Variants in NFAT5 observed in about 807,000 individuals in gnomAD.
NFAT5 encodes the protein nuclear factor of activated T cells 5, also known as nuclear factor of activated T-cells 5.
In NFAT5, 31 loss-of-function variants were observed where a neutral mutation model predicts 166.5. The observed-to-expected ratio is 0.19, with a 90% CI of 0.14 to 0.25. The LOEUF (loss-of-function observed/expected upper bound fraction) is 0.25. NFAT5 is among the 10% of genes least tolerant of loss of function. The pLI is 1.00. For missense variants in NFAT5, 1,449 were observed against 1,821.8 expected (o/e 0.80, Z 3.72); for synonymous variants, 612 against 639.7 (o/e 0.96, Z 0.65).
intron 2 of NFAT5, among the ~76,000 whole-genome samples, chr16:69,574,624 T>C (rs1369617579): frequency 6.6e-6 from 1 of 152,192 alleles, no homozygotes; most frequent in African/African-American, 2.4e-5. Flanking sequence ...GTTCAGTTAC[T>C]TTTATTTGTT....
rs1200530310 is a variant in NFAT5, at chr16:69,684,927, A to G, written c.1731A>G (p.Ile577Met). 1.2e-6 allele frequency: 2 copies of G among 1,610,700 alleles called. No individual in the cohort carries two copies. Among genetic ancestry groups the G allele is most frequent in the Non-Finnish European group, 1.7e-6 (2 of 1,178,864 alleles). The change falls in exon 11 of 15, where the codon ATA becomes ATG. Residue 577 changes from isoleucine (I) to methionine (M), a missense_variant. By Grantham distance (10) the Ile-to-Met change is conservative. This residue lies in a region of NFAT5 where 245 missense variants were observed against 366.6 expected (regional missense o/e 0.67). Coordinates refer to ENST00000349945, the MANE Select transcript of NFAT5 (RefSeq NM_138713.4). Reference protein sequence around the residue: ...GALNVNVKKEISSPARPCSFE... With the variant: ...GALNVNVKKEMSSPARPCSFE... Reference sequence around the variant, plus strand: ...TGAATGTAAATGTGAAGAAGGAAATATCTAGTCCAGCAAGACCTTGCTCTT... The same window carrying G: ...TGAATGTAAATGTGAAGAAGGAAATGTCTAGTCCAGCAAGACCTTGCTCTT...
chr16:69,585,311 A>AT lies in NFAT5; in HGVS notation c.127+16776dup, dbSNP rs149915039. On this transcript the variant is annotated intron_variant, in intron 2 of 14. Transcript: ENST00000349945. The stretch of plus-strand genomic sequence containing the variant: ...GGTGTGAGCCACGGCGCCCAGCCCA[A>AT]TTTTTTTTTTTTTAATTGTGTGGGG... Among the ~76,000 whole-genome samples the AT allele has an allele frequency of 2.2e-3, 314 of 145,736 alleles. 1 individual carries two copies. Among genetic ancestry groups the AT allele is most frequent in the Non-Finnish European group, 2.2e-3 (148 of 65,828 alleles).
chr16:69,643,167 G>A (rs1023154522), intron 3 of NFAT5, among the ~76,000 whole-genome samples: 1 of 147,816 alleles, frequency 6.8e-6, no homozygotes, highest in Non-Finnish European at 1.5e-5. Context: ...CCAGTGAGCC[G>A]AGATCGCGCC....
intron 4 of NFAT5, chr16:69,648,425 A>G: frequency 1.0e-6 from 1 of 982,474 alleles, no homozygotes; most frequent in Non-Finnish European, 1.2e-6. Flanking sequence ...CTTTGATACT[A>G]ATACATTGAT....
At position 69,566,545 on chromosome 16, in the gene NFAT5, G is replaced by A. The variant is rs971567466; in HGVS notation, c.73+171G>A. On this transcript the variant is annotated intron_variant, in intron 1 of 14. Transcript: ENST00000349945. The surrounding 1 kb of genome is among the most constrained non-coding windows in gnomAD (Gnocchi z 5.7). The stretch of plus-strand genomic sequence containing the variant: ...CCGAAGGGATCGGGGTGACGGTGGA[G>A]GGGGCGGGCGGAGCAGTGGCGGCCC... Among the ~76,000 whole-genome samples the A allele has an allele frequency of 5.9e-5, 9 of 152,138 alleles. No individual in the cohort carries two copies. The highest frequency in any genetic ancestry group is 1.0e-4 in the Non-Finnish European group (7 of 68,000).
chr16:69,647,196 A>G lies in NFAT5; in HGVS notation c.422A>G (p.Gln141Arg). 1 of 1,614,120 alleles carries G rather than the reference A, an allele frequency of 6.2e-7. No homozygotes were observed. Among genetic ancestry groups the G allele is most frequent in the South Asian group, 1.1e-5 (1 of 91,074 alleles). Reference protein sequence around the residue: ...GVSNRGVSEKQLTSNTVQQHP... With the variant: ...GVSNRGVSEKRLTSNTVQQHP... The stretch of plus-strand genomic sequence containing the variant: ...AGTAACAGAGGGGTAAGTGAAAAGC[A>G]GTTAACCAGTAACACAGTTCAGCAG... Residue 141 changes from glutamine to arginine, a missense_variant, in exon 4 of 15, where the codon CAG becomes CGG. Physicochemically the swap from Gln to Arg is conservative, Grantham distance 43. Around this residue, in one of 7 missense-constraint regions of NFAT5, gnomAD observed 172 missense variants for 194.5 expected, o/e 0.88. Transcript: ENST00000349945. This position sits in a 1 kb window ranked among gnomAD's most constrained non-coding sequence, Gnocchi z 4.8.
rs139564843 is a variant in NFAT5, at chr16:69,660,385, G to A, written c.1369+486G>A. 2.0e-4 allele frequency among the ~76,000 whole-genome samples: 30 copies of A among 152,208 alleles called. No individual in the cohort carries two copies. In the East Asian group the frequency reaches 5.6e-3, roughly 29 times the overall value. On this transcript the variant is annotated intron_variant, in intron 7 of 14. Transcript: ENST00000349945. The stretch of plus-strand genomic sequence containing the variant: ...GTCAAGGCTGCAGTGAGCCTTGAGC[G>A]TGCCACTGCACGCCAGCCTGGGCAG...
intron 4 of NFAT5, among the ~76,000 whole-genome samples, chr16:69,652,668 T>C (rs2035721601): frequency 6.6e-6 from 1 of 152,182 alleles, no homozygotes; most frequent in East Asian, 1.9e-4. Context: ...CTGAGAAGGA[T>C]ACTCAAAAGA....
intron 3 of NFAT5, among the ~76,000 whole-genome samples, chr16:69,626,777 T>C (rs1006506590): frequency 6.6e-6 from 1 of 152,200 alleles, no homozygotes; most frequent in Non-Finnish European, 1.5e-5. Context: ...TCTTCAAATA[T>C]GGGAACCAGC....
chr16:69,616,826 C>T (rs942173060), intron 2 of NFAT5, among the ~76,000 whole-genome samples: 1 of 152,024 alleles, frequency 6.6e-6, no homozygotes, highest in Non-Finnish European at 1.5e-5. Flanking sequence ...CTCTGAAATC[C>T]CTTCCCAGGC....
rs180921327 is a variant in NFAT5 at position 69,696,756 on chromosome 16, G to A, written c.*405G>A. 1.5e-3 allele frequency: 222 copies of A among 152,564 alleles called. 2 individuals carry two copies. Among genetic ancestry groups the A allele is most frequent in the Non-Finnish European group, 5.3e-4 (36 of 68,004 alleles). 9.5% of individuals were successfully genotyped at this position (152,564 alleles called of 1,614,324 possible). ...TTATTTTCTTTCCTGCATTGTTTTAGTCAAGTAATGGCTTTTGAAAAAGTA... is the reference window on the plus strand; with the variant it reads ...TTATTTTCTTTCCTGCATTGTTTTAATCAAGTAATGGCTTTTGAAAAAGTA... On this transcript the variant is annotated 3_prime_UTR_variant, in exon 15 of 15. Transcript: ENST00000349945.
rs1282991378 is a variant in NFAT5, at chr16:69,685,188, ATATTTT to A, written c.1774+220_1774+225del. ...TATGTTTTTATATATATATATATAT[ATATTTT>A]TTTTTTTAAGTATATTGGAGTGGAG... On this transcript the variant is annotated intron_variant, in intron 11 of 14. Transcript: ENST00000349945. 3.8e-4 allele frequency: 36 copies of A among 93,524 alleles called. 1 individual carries two copies. Among genetic ancestry groups the A allele is most frequent in the Admixed American group, 1.6e-3 (14 of 8,612 alleles). 5.8% of individuals were successfully genotyped at this position (93,524 alleles called of 1,614,324 possible). A position where few individuals can be genotyped will look rare whatever the true frequency, so the allele number is the denominator to read the frequency against.
chr16:69,688,747 T>G (rs2037430378), intron 11 of NFAT5, among the ~76,000 whole-genome samples: 1 of 152,182 alleles, frequency 6.6e-6, no homozygotes, highest in Admixed American at 6.5e-5. Flanking sequence ...TAAGATTATT[T>G]TCTTCATTCA....
In NFAT5 at chr16:69,576,256, C is replaced by T. The variant is rs1349364634; in HGVS notation, c.127+7708C>T. On this transcript the variant is annotated intron_variant, in intron 2 of 14. Coordinates refer to ENST00000349945, the MANE Select transcript of NFAT5 (RefSeq NM_138713.4). The stretch of plus-strand genomic sequence containing the variant: ...TCAGGGAGCGGAGATGGCGCCTCTG[C>T]ACTCCAGCCTGGGCGACAGAGTGAG... Among the ~76,000 whole-genome samples, 4 of 145,990 alleles carry T rather than the reference C, an allele frequency of 2.7e-5. No homozygotes were observed. The Admixed American group carries it at 2.8e-4, about 10-fold the overall frequency.
At chr16:69,674,920 C>T (rs1172539753) in intron 9 of NFAT5, among the ~76,000 whole-genome samples, 1 of 152,100 alleles carries the variant, frequency 6.6e-6, no homozygotes, top group Non-Finnish European at 1.5e-5. Flanking sequence ...AGCATTATAC[C>T]TGCTCCCAAA....
At chr16:69,626,572 A>G in intron 3 of NFAT5, 44 bp downstream of exon 3, 2 of 1,451,770 alleles carry the variant, frequency 1.4e-6, no homozygotes, top group Non-Finnish European at 1.8e-6. Context: ...TAGGGCCAAT[A>G]TAAATCTGGC....
chr16:69,636,407 A>G (rs1384346254), intron 3 of NFAT5, among the ~76,000 whole-genome samples: 1 of 152,172 alleles, frequency 6.6e-6, no homozygotes, highest in Non-Finnish European at 1.5e-5. Context: ...GCTCCATTAC[A>G]TAGTACCCAG....
chr16:69,615,155 C>T (rs2033884490), intron 2 of NFAT5, among the ~76,000 whole-genome samples: 1 of 151,868 alleles, frequency 6.6e-6, no homozygotes, highest in African/African-American at 2.4e-5. Flanking sequence ...GATTCTTCTG[C>T]CTCAGCCTCC....
At chr16:69,590,738 A>G (rs1242240250) in intron 2 of NFAT5, among the ~76,000 whole-genome samples, 1 of 152,144 alleles carries the variant, frequency 6.6e-6, no homozygotes, top group Non-Finnish European at 1.5e-5. Context: ...TGCTGAACAT[A>G]TTTTTAAAAT....
Sources: gnomAD v4.1 joint callset for allele counts (sites outside exome capture counted in the v4.1 genomes callset) on GRCh38, gnomAD v4.1.1 for gene constraint, gnomAD v4.1.1 regional missense constraint, Gnocchi (gnomAD v3.1) non-coding constraint, MANE v1.5 for transcripts, NCBI Gene and HGNC (gene_info 2026-07-23, HGNC 2026-07-21) for gene names.